Variants in ZNF383 observed in about 807,000 individuals in gnomAD.
The protein encoded by ZNF383 is zinc finger protein 383.
A neutral mutation model predicts 44.2 loss-of-function variants in ZNF383; 32 were observed. The observed-to-expected ratio is 0.72, with a 90% confidence interval of 0.55 to 0.97. The LOEUF is 0.97. Among genes scored for constraint, ZNF383 ranks in the 50% least tolerant of loss-of-function variants. The pLI, the probability that ZNF383 is intolerant of heterozygous loss-of-function variation, is 0.00. For synonymous variants in ZNF383, 155 were observed against 186.2 expected (o/e 0.83, Z 1.36); for missense variants, 487 against 562.5 (o/e 0.87, Z 1.36).
chr19:37,233,020 A>G (rs918261715), intron 3 of ZNF383, among the ~76,000 whole-genome samples: 1 of 152,162 alleles, frequency 6.6e-6, no homozygotes, highest in African/African-American at 2.4e-5. Flanking sequence ...AACACAATGG[A>G]AAGTTTCCTT....
intron 5 of ZNF383, among the ~76,000 whole-genome samples, chr19:37,238,097 A>G (rs1296385702): frequency 2.0e-5 from 3 of 151,800 alleles, no homozygotes; most frequent in African/African-American, 7.3e-5. Context: ...TCCTGGGTTC[A>G]AGCGATCCAC....
At chr19:37,234,482 G>A (rs145520949) in intron 3 of ZNF383, among the ~76,000 whole-genome samples, 2,003 of 152,132 alleles carry the variant, frequency 0.013, 21 homozygotes, top group Middle Eastern at 0.044. Flanking sequence ...TCCGCCTCCC[G>A]GATTCACGCC....
chr19:37,220,793 T>TA (rs1486972456), intron 1 of ZNF383, among the ~76,000 whole-genome samples: 2 of 152,122 alleles, frequency 1.3e-5, no homozygotes, highest in African/African-American at 4.8e-5. Context: ...CTTGACTTTT[T>TA]AAAAAAAGTT....
rs320883 is a variant in ZNF383, at chr19:37,248,596, A to G, written c.*4932A>G. The G allele has an allele frequency of 1.3e-5, 2 of 152,244 alleles. No individual in the cohort carries two copies. The highest frequency in any genetic ancestry group is 4.1e-4 in the South Asian group (2 of 4,836). The allele number at this position is 152,244 out of a possible 1,614,324, so 9.4% of individuals were successfully genotyped here. A position where few individuals can be genotyped will look rare whatever the true frequency, so the allele number is the denominator to read the frequency against. Reference sequence around the variant, plus strand: ...TGGAATACAAGATAAGATAATTTACATGGGATTGCAAAAGTTCAAATAACT... The same window carrying G: ...TGGAATACAAGATAAGATAATTTACGTGGGATTGCAAAAGTTCAAATAACT... On this transcript the variant is annotated 3_prime_UTR_variant, in exon 6 of 6. Transcript: ENST00000684119.
chr19:37,235,704 G>C, intron 4 of ZNF383, 29 bp downstream of exon 4: 2 of 1,560,178 alleles, frequency 1.3e-6, no homozygotes, highest in African/African-American at 1.4e-5. Context: ...GTGATTCCCA[G>C]TTCTCCTCTG....
chr19:37,236,933 G>A (rs1312003921), intron 5 of ZNF383, among the ~76,000 whole-genome samples: 3 of 149,028 alleles, frequency 2.0e-5, no homozygotes, highest in Non-Finnish European at 4.4e-5. Flanking sequence ...TAATATAATT[G>A]CGTCTGTATA....
chr19:37,242,434 G>C lies in ZNF383; in HGVS notation c.233-35G>C, dbSNP rs1318090189. On this transcript the variant is annotated intron_variant, in intron 5 of 5. Coordinates refer to ENST00000684119, the MANE Select transcript of ZNF383 (RefSeq NM_001387601.1). ...TAAAAGTTTAATTTTTCACAAATAG[G>C]AAAAAAGAACATTTACCATTTTATT... is the stretch of plus-strand genomic sequence containing the variant. The C allele has an allele frequency of 2.1e-6, 3 of 1,407,412 alleles. No homozygotes were observed. In the Admixed American group the frequency reaches 6.6e-5, roughly 31 times the overall value. The allele number at this position is 1,407,412 out of a possible 1,614,324, so 87.2% of individuals were successfully genotyped here.
chr19:37,228,949 A>T (rs889702924), intron 2 of ZNF383, among the ~76,000 whole-genome samples: 1 of 151,996 alleles, frequency 6.6e-6, no homozygotes, highest in Non-Finnish European at 1.5e-5. Context: ...AGAGCATTTC[A>T]TAGCTATTTC....
At chr19:37,220,174 A>T (rs567027849) in intron 1 of ZNF383, among the ~76,000 whole-genome samples, 2 of 152,288 alleles carry the variant, frequency 1.3e-5, no homozygotes, top group Non-Finnish European at 1.5e-5. Flanking sequence ...TTACCATTTC[A>T]TATCTTGTAT....
chr19:37,222,176 C>G (rs911246121), intron 1 of ZNF383, among the ~76,000 whole-genome samples: 1 of 151,026 alleles, frequency 6.6e-6, no homozygotes, highest in Non-Finnish European at 1.5e-5. Context: ...TTTTTTTTTC[C>G]TACTGTCAGT....
chr19:37,232,214 A>G (rs1568525339), intron 3 of ZNF383, among the ~76,000 whole-genome samples: 1 of 151,894 alleles, frequency 6.6e-6, no homozygotes, highest in East Asian at 1.9e-4. Flanking sequence ...AGCTGTGACC[A>G]CAGGCCCCTG....
At chr19:37,239,087 T>G (rs987695078) in intron 5 of ZNF383, among the ~76,000 whole-genome samples, 7 of 152,122 alleles carry the variant, frequency 4.6e-5, no homozygotes, top group African/African-American at 1.7e-4. Context: ...GCCCGGCTCA[T>G]TTTTGTATTT....
At position 37,243,411 on chromosome 19, in the gene ZNF383, A is replaced by C; in HGVS notation, c.1175A>C (p.Lys392Thr). ...RQHQRIHAGE[K>T]PFECLECGKA... is the part of the protein sequence containing the mutation. ...CATCAGAGAATTCACGCTGGTGAGA[A>C]ACCCTTTGAATGTCTTGAATGTGGG... The change falls in exon 6 of 6, where the codon AAA (lysine) becomes ACA (threonine). Residue 392 changes from lysine (K) to threonine (T), a missense_variant. Physicochemically the swap from Lys to Thr is moderately conservative, Grantham distance 78. Transcript: ENST00000684119. 2 of 1,614,216 alleles carry C rather than the reference A, an allele frequency of 1.2e-6. No individual in the cohort carries two copies. The highest frequency in any genetic ancestry group is 1.7e-6 in the Non-Finnish European group (2 of 1,180,036).
At chr19:37,235,927 G>T in intron 4 of ZNF383, 52 bp from the exon 5 acceptor site, 1 of 1,482,838 alleles carries the variant, frequency 6.7e-7, no homozygotes. Flanking sequence ...CAAGGGACTG[G>T]ATCTCCTTTA....
chr19:37,221,284 T>C (rs891777667), intron 1 of ZNF383, among the ~76,000 whole-genome samples: 2 of 152,108 alleles, frequency 1.3e-5, no homozygotes, highest in Non-Finnish European at 2.9e-5. Context: ...GTTTTAAAAG[T>C]ATAACATACA....
intron 5 of ZNF383, among the ~76,000 whole-genome samples, chr19:37,237,833 C>T (rs1442578586): frequency 1.3e-5 from 2 of 151,650 alleles, no homozygotes; most frequent in Non-Finnish European, 2.9e-5. Context: ...GCCCGATCAT[C>T]TCTTAAAGGC....
intron 1 of ZNF383, among the ~76,000 whole-genome samples, chr19:37,224,534 A>T (rs1253396498): frequency 6.6e-6 from 1 of 151,876 alleles, no homozygotes; most frequent in Non-Finnish European, 1.5e-5. Flanking sequence ...TTGAACATGT[A>T]GATTTTTCTG....
At chr19:37,234,481 C>T (rs1374947112) in intron 3 of ZNF383, among the ~76,000 whole-genome samples, 8 of 152,094 alleles carry the variant, frequency 5.3e-5, no homozygotes, top group Non-Finnish European at 7.3e-5. Flanking sequence ...CTCCGCCTCC[C>T]GGATTCACGC....
intron 1 of ZNF383, chr19:37,219,157 A>T (rs182090864): frequency 6.6e-6 from 1 of 152,028 alleles, no homozygotes; most frequent in Admixed American, 6.6e-5. Context: ...TGTCTTTGTG[A>T]CTCCAGCTCT....
Sources: allele counts gnomAD v4.1 joint callset (sites outside exome capture counted in the v4.1 genomes callset), GRCh38; gene constraint gnomAD v4.1.1; transcripts MANE v1.5; gene names NCBI Gene and HGNC (gene_info 2026-07-23, HGNC 2026-07-21).